Variants in CDKAL1 observed in about 807,000 individuals in gnomAD.
CDKAL1 encodes threonylcarbamoyladenosine tRNA methylthiotransferase.
Under a neutral mutation model 68.2 loss-of-function variants are expected in CDKAL1, and 32 were observed. The observed-to-expected ratio is 0.47, with a 90% CI of 0.35 to 0.63. CDKAL1 has a LOEUF of 0.63. CDKAL1 is among the 30% of genes least tolerant of loss of function. CDKAL1 has a pLI of 0.00. For synonymous variants in CDKAL1, 234 were observed against 244.3 expected, an observed-to-expected ratio of 0.96 and a Z score of 0.39; for missense variants, 606 against 696.7, an observed-to-expected ratio of 0.87 and a Z score of 1.47.
chr6:21,050,537 A>G (rs1770485318), intron 11 of CDKAL1, among the ~76,000 whole-genome samples: 1 of 152,244 alleles, frequency 6.6e-6, no homozygotes, highest in East Asian at 1.9e-4. Context: ...AAAGGCAGAA[A>G]GTTCCTTTCT....
At chr6:20,743,655 C>A (rs1350928358) in intron 6 of CDKAL1, among the ~76,000 whole-genome samples, 1 of 152,076 alleles carries the variant, frequency 6.6e-6, no homozygotes, top group African/African-American at 2.4e-5. Context: ...CCCACTCTCT[C>A]CTGAAATCAC....
intron 6 of CDKAL1, among the ~76,000 whole-genome samples, chr6:20,747,645 TTCA>T: frequency 6.6e-6 from 1 of 152,252 alleles, no homozygotes; most frequent in Non-Finnish European, 1.5e-5. Flanking sequence ...AAAATGTCTA[TTCA>T]GGTCCTTTGC....
At chr6:21,156,956 T>C (rs567675096) in intron 13 of CDKAL1, among the ~76,000 whole-genome samples, 3 of 152,224 alleles carry the variant, frequency 2.0e-5, no homozygotes, top group Non-Finnish European at 2.9e-5. Context: ...TTTTTCAGCA[T>C]ATGATTTAAG....
At chr6:21,058,503 C>T (rs148628586) in intron 11 of CDKAL1, among the ~76,000 whole-genome samples, 126 of 152,286 alleles carry the variant, frequency 8.3e-4, no homozygotes, top group African/African-American at 2.9e-3. Context: ...GGGCATTTAG[C>T]CCATTTACAT....
At chr6:21,062,574 T>C (rs1771201259) in intron 11 of CDKAL1, among the ~76,000 whole-genome samples, 1 of 152,242 alleles carries the variant, frequency 6.6e-6, no homozygotes, top group African/African-American at 2.4e-5. Context: ...TGTGTGGATA[T>C]TGTCTCTTTT....
chr6:20,608,589 A>T (rs574476067), intron 4 of CDKAL1, among the ~76,000 whole-genome samples: 3 of 152,204 alleles, frequency 2.0e-5, no homozygotes, highest in Non-Finnish European at 4.4e-5. Flanking sequence ...GGCTGATACC[A>T]GTAGAGAGGA....
chr6:20,775,218 G>A (rs1362132254), intron 7 of CDKAL1, among the ~76,000 whole-genome samples: 2 of 152,088 alleles, frequency 1.3e-5, no homozygotes, highest in Admixed American at 1.3e-4. Flanking sequence ...GTCACACTGA[G>A]CATCATCTCC....
At chr6:20,546,723 T>C (rs1315870817) in intron 3 of CDKAL1, among the ~76,000 whole-genome samples, 200 bp downstream of exon 3, 1 of 152,088 alleles carries the variant, frequency 6.6e-6, no homozygotes, top group African/African-American at 2.4e-5. Flanking sequence ...CTGGCTATTT[T>C]TTGTATTTTT....
chr6:20,911,233 A>T (rs1221309417), intron 9 of CDKAL1, among the ~76,000 whole-genome samples: 1 of 152,220 alleles, frequency 6.6e-6, no homozygotes, highest in Non-Finnish European at 1.5e-5. Flanking sequence ...TCAGTAAGAG[A>T]ACATGTTGTG....
At chr6:21,199,717 A>G (rs1473241461) in intron 14 of CDKAL1, among the ~76,000 whole-genome samples, 2 of 152,228 alleles carry the variant, frequency 1.3e-5, no homozygotes, top group African/African-American at 2.4e-5. Flanking sequence ...TTTCCCCAGA[A>G]TAGTACCAAA....
At chr6:20,683,028 G>A (rs1770455440) in intron 5 of CDKAL1, among the ~76,000 whole-genome samples, 1 of 149,364 alleles carries the variant, frequency 6.7e-6, no homozygotes, top group Admixed American at 6.7e-5. Flanking sequence ...ACAGGTGCAA[G>A]CATAGCACCC....
At chr6:20,913,981 ACT>A (rs1347497981) in intron 9 of CDKAL1, among the ~76,000 whole-genome samples, 4 of 151,936 alleles carry the variant, frequency 2.6e-5, no homozygotes, top group Admixed American at 1.3e-4. Flanking sequence ...ACAAAACAAG[ACT>A]CTGTCTCTTA....
intron 13 of CDKAL1, among the ~76,000 whole-genome samples, chr6:21,137,775 A>G (rs1775686574): frequency 2.0e-5 from 3 of 152,214 alleles, no homozygotes; most frequent in African/African-American, 7.2e-5. Flanking sequence ...ATGTTAGAGG[A>G]GGTAGGAAGA....
chr6:20,775,131 G>A (rs1387093150), intron 7 of CDKAL1, among the ~76,000 whole-genome samples: 1 of 151,922 alleles, frequency 6.6e-6, no homozygotes. Flanking sequence ...TTTTATTAAA[G>A]TTGCATATCT....
At chr6:21,110,707 C>T (rs1273246147) in intron 13 of CDKAL1, among the ~76,000 whole-genome samples, 1 of 152,020 alleles carries the variant, frequency 6.6e-6, no homozygotes, top group Non-Finnish European at 1.5e-5. Flanking sequence ...GCCGGTAATC[C>T]CAGCACTCTG....
intron 15 of CDKAL1, among the ~76,000 whole-genome samples, chr6:21,221,617 T>C (rs1035557405): frequency 1.3e-5 from 2 of 152,158 alleles, no homozygotes; most frequent in African/African-American, 4.8e-5. Context: ...TTGGTTTCAG[T>C]AGGTTTTCTG....
chr6:20,891,678 G>T (rs1223029400), intron 9 of CDKAL1, among the ~76,000 whole-genome samples: 1 of 151,946 alleles, frequency 6.6e-6, no homozygotes, highest in African/African-American at 2.4e-5. Context: ...GGGACTACAG[G>T]CATGCGCCAC....
chr6:20,732,231 CTTTTCTTT>C (rs1221519066), intron 5 of CDKAL1, among the ~76,000 whole-genome samples: 1 of 143,636 alleles, frequency 7.0e-6, no homozygotes, highest in African/African-American at 2.6e-5. Flanking sequence ...TCTCCTTTTC[CTTTTCTTT>C]TTTTCTTTTT....
intron 5 of CDKAL1, among the ~76,000 whole-genome samples, chr6:20,678,480 T>C (rs1485580869): frequency 1.3e-5 from 2 of 152,200 alleles, no homozygotes; most frequent in Non-Finnish European, 2.9e-5. Flanking sequence ...TTTCTTTTAA[T>C]AGGTGAGTTA....
Sources: gnomAD v4.1 joint callset for allele counts (sites outside exome capture counted in the v4.1 genomes callset) on GRCh38, gnomAD v4.1.1 for gene constraint, MANE v1.5 for transcripts, NCBI Gene and HGNC (gene_info 2026-07-23, HGNC 2026-07-21) for gene names.